The following NFIB variants were observed in gnomAD, a reference collection of about 807,000 sequenced individuals.
NFIB encodes nuclear factor 1 B-type.
In NFIB, 11 loss-of-function variants were observed where a neutral mutation model predicts 61.5. The ratio of observed to expected loss-of-function variants is 0.18; its 90% CI spans 0.11 to 0.30. The LOEUF (loss-of-function observed/expected upper bound fraction) is 0.30, where lower values mean the gene tolerates loss of function less well. NFIB is among the 10% of genes least tolerant of loss of function. The probability of loss-of-function intolerance (pLI) is 1.00; values close to 1 mark genes in which losing one functional copy is unlikely to be tolerated. For missense variants in NFIB, 471 were observed against 608.9 expected, an observed-to-expected ratio of 0.77 and a Z score of 2.38; for synonymous variants, 260 against 216.5, an observed-to-expected ratio of 1.20 and a Z score of -1.76.
At chr9:14,484,139 T>C in the NFIB span, among the ~76,000 whole-genome samples, 10 of 152,284 alleles carry the variant, frequency 6.6e-5, no homozygotes, top group African/African-American at 2.2e-4. Flanking sequence ...CTTAGGAAAA[T>C]ACTATATTTA....
In NFIB at chr9:14,376,402, A is replaced by G. The variant is rs7047425; in HGVS notation, c.108+22122T>C. ...GAGTAGCTTCAACTTAGAAGACACTATTTCCTGCAGGGATGACCACTGTAC... is the reference window on the plus strand; with the variant it reads ...GAGTAGCTTCAACTTAGAAGACACTGTTTCCTGCAGGGATGACCACTGTAC... On this transcript the variant is annotated intron_variant, in intron 1 of 8. Transcript: ENST00000380934. Among the ~76,000 whole-genome samples, 611 of 152,226 alleles carry G rather than the reference A, an allele frequency of 4.0e-3. 6 individuals are homozygous for G. Among genetic ancestry groups the G allele is most frequent in the South Asian group, 0.014 (68 of 4,822 alleles).
intron 2 of NFIB, among the ~76,000 whole-genome samples, chr9:14,295,495 G>T (rs552570891): frequency 6.6e-6 from 1 of 152,076 alleles, no homozygotes; most frequent in African/African-American, 2.4e-5. Context: ...GCCGGGCGTG[G>T]GGAAGGGCGC....
intron 1 of NFIB, among the ~76,000 whole-genome samples, chr9:14,359,825 A>G (rs1236787029): frequency 6.6e-6 from 1 of 152,164 alleles, no homozygotes; most frequent in East Asian, 1.9e-4. Flanking sequence ...GCAGCGCAGA[A>G]AGTAGTAAAG....
chr9:14,516,305 T>C, the NFIB span, among the ~76,000 whole-genome samples: 1 of 152,222 alleles, frequency 6.6e-6, no homozygotes, highest in African/African-American at 2.4e-5. Context: ...ACCAGTGATT[T>C]AAGGTTTGCC....
chr9:14,243,451 ATTCCTAAGTCCC>A (rs2054555773), intron 2 of NFIB, among the ~76,000 whole-genome samples: 1 of 152,140 alleles, frequency 6.6e-6, no homozygotes, highest in Non-Finnish European at 1.5e-5. Flanking sequence ...TTCTACCCCG[ATTCCTAAGTCCC>A]TTGAGAATCT....
chr9:14,468,187 T>C, the NFIB span, among the ~76,000 whole-genome samples: 1 of 152,254 alleles, frequency 6.6e-6, no homozygotes, highest in Admixed American at 6.5e-5. Flanking sequence ...CATGATGTCA[T>C]CAGAGCCTGG....
chr9:14,235,900 C>T (rs71511081), intron 2 of NFIB, among the ~76,000 whole-genome samples: 1 of 152,132 alleles, frequency 6.6e-6, no homozygotes, highest in Non-Finnish European at 1.5e-5. Context: ...GTTTTTAACA[C>T]AATTACTACT....
In NFIB at chr9:14,339,431, C is replaced by T. The variant is rs373786785; in HGVS notation, c.109-31911G>A. On this transcript the variant is annotated intron_variant, in intron 1 of 8. Coordinates refer to the NFIB transcript ENST00000380934. ...AGAATGGCTGATTCTTTGATCATTTCCCAATTTCCCCCGTTGTTTCCCCCT... is the reference window on the plus strand; with the variant it reads ...AGAATGGCTGATTCTTTGATCATTTTCCAATTTCCCCCGTTGTTTCCCCCT... Among the ~76,000 whole-genome samples, 4 of 152,232 alleles carry T rather than the reference C, an allele frequency of 2.6e-5. No homozygotes were observed. In the East Asian group the frequency reaches 7.7e-4, roughly 29 times the overall value.
the NFIB span, among the ~76,000 whole-genome samples, chr9:14,416,846 C>T: frequency 1.3e-5 from 2 of 151,240 alleles, no homozygotes; most frequent in African/African-American, 2.4e-5. Context: ...TCCAGTCCTG[C>T]AAGCTCCATT....
chr9:14,215,041 G>A (rs7044542), intron 2 of NFIB, among the ~76,000 whole-genome samples: 22,234 of 152,246 alleles, frequency 0.15, 1,994 homozygotes, highest in Non-Finnish European at 0.2. Context: ...ACTTTTACCT[G>A]TATATAGTAT....
the NFIB span, among the ~76,000 whole-genome samples, chr9:14,442,490 A>T: frequency 6.6e-6 from 1 of 152,156 alleles, no homozygotes; most frequent in African/African-American, 2.4e-5. Context: ...TGGCTTCAAC[A>T]GCAGAGACCG....
At chr9:14,153,333 G>T (rs1416197273) in intron 4 of NFIB, among the ~76,000 whole-genome samples, 2 of 152,110 alleles carry the variant, frequency 1.3e-5, no homozygotes, top group Non-Finnish European at 2.9e-5. Context: ...TTTAATGACA[G>T]AGTGTGTGGG....
chr9:14,169,387 T>C (rs1226082466), intron 3 of NFIB, among the ~76,000 whole-genome samples: 1 of 152,220 alleles, frequency 6.6e-6, no homozygotes, highest in Non-Finnish European at 1.5e-5. Context: ...AACAGGAGTT[T>C]GGTATGAAAG....
At chr9:14,193,692 T>C (rs1020027262) in intron 2 of NFIB, among the ~76,000 whole-genome samples, 12 of 152,334 alleles carry the variant, frequency 7.9e-5, no homozygotes, top group Middle Eastern at 6.8e-3. Context: ...ATATTTATGT[T>C]CATACGCACA....
chr9:14,187,303 T>C (rs1162594347), intron 2 of NFIB, among the ~76,000 whole-genome samples: 2 of 152,164 alleles, frequency 1.3e-5, no homozygotes, highest in East Asian at 3.8e-4. Context: ...TTCTGAGCAA[T>C]AAGAGAAATT....
chr9:14,229,259 G>C lies in NFIB; in HGVS notation c.563-49479C>G, dbSNP rs77614102. On this transcript the variant is annotated intron_variant, in intron 2 of 10. Coordinates refer to ENST00000380953, the MANE Select transcript of NFIB (RefSeq NM_001190737.2). ...AACCAATAACATATTAGGTGATCAG[G>C]TTGTTACACCAGCACGCAAAGCCCA... 5.0e-3 allele frequency among the ~76,000 whole-genome samples: 767 copies of C among 152,272 alleles called. 7 individuals are homozygous for C. Among genetic ancestry groups the C allele is most frequent in the African/African-American group, 0.017 (702 of 41,568 alleles).
intron 2 of NFIB, among the ~76,000 whole-genome samples, chr9:14,199,522 AG>A (rs1225363453): frequency 6.6e-6 from 1 of 152,244 alleles, no homozygotes; most frequent in Non-Finnish European, 1.5e-5. Flanking sequence ...TGTTTCCTTA[AG>A]GAAGTGGTAA....
the NFIB span, among the ~76,000 whole-genome samples, chr9:14,431,627 T>G: frequency 2.1e-5 from 3 of 145,908 alleles, no homozygotes; most frequent in Admixed American, 2.0e-4. Context: ...CACCATTTTT[T>G]GTTTTGTTTT....
intron 1 of NFIB, among the ~76,000 whole-genome samples, chr9:14,382,226 T>C (rs981637141): frequency 6.6e-6 from 1 of 152,180 alleles, no homozygotes; most frequent in African/African-American, 2.4e-5. Context: ...GCAATTCTTT[T>C]CGAAGCAAAG....
Sources: allele counts gnomAD v4.1 joint callset (sites outside exome capture counted in the v4.1 genomes callset), GRCh38; gene constraint gnomAD v4.1.1; transcripts MANE v1.5; gene names NCBI Gene and HGNC (gene_info 2026-07-23, HGNC 2026-07-21).